PSKH1: variants seen among roughly 807,000 people sequenced by gnomAD.
PSKH1 encodes the protein serine/threonine-protein kinase H1.
PSKH1 carries 12 observed loss-of-function variants against 26.7 expected under a neutral mutation model. The observed-to-expected ratio is 0.45, with a 90% confidence interval of 0.29 to 0.73. The LOEUF is 0.73. Ranked by LOEUF, PSKH1 falls within the 30% of genes least tolerant of loss-of-function variation. The probability of loss-of-function intolerance (pLI) is 0.11; values close to 1 mark genes in which losing one functional copy is unlikely to be tolerated. For synonymous variants in PSKH1, 213 were observed against 234.3 expected (o/e 0.91, Z 0.83); for missense variants, 431 against 595.2 (o/e 0.72, Z 2.87).
intron 2 of PSKH1, among the ~76,000 whole-genome samples, chr16:67,921,490 G>T (rs536044055): frequency 2.0e-5 from 3 of 151,978 alleles, no homozygotes; most frequent in Non-Finnish European, 4.4e-5. Flanking sequence ...CAGGAGAATC[G>T]GTTGAACCTG....
chr16:67,898,127 GGCGTAAGCCACCGC>G (rs1403457561), intron 1 of PSKH1, among the ~76,000 whole-genome samples: 1 of 151,950 alleles, frequency 6.6e-6, no homozygotes, highest in Non-Finnish European at 1.5e-5. Context: ...TGGGATTACA[GGCGTAAGCCACCGC>G]GCCCAGCCAC....
chr16:67,898,324 G>T (rs1032815437), intron 1 of PSKH1, among the ~76,000 whole-genome samples: 1 of 152,100 alleles, frequency 6.6e-6, no homozygotes, highest in South Asian at 2.1e-4. Context: ...AGAACCGCTT[G>T]AACCTGGGAG....
rs184070626 is a variant in PSKH1, at chr16:67,929,240, T to C, written c.*1598T>C. On this transcript the variant is annotated 3_prime_UTR_variant, in exon 3 of 3. Coordinates refer to ENST00000291041, the MANE Select transcript of PSKH1 (RefSeq NM_006742.3). ...CAGGAGGGTTTGGTTCCCACTCAGC[T>C]TCTGCCGGTCGGCAGCCTGGGCCAG... 6.6e-6 allele frequency: 1 copy of C among 152,662 alleles called. No homozygotes were observed. The highest frequency in any genetic ancestry group is 2.4e-5 in the African/African-American group (1 of 41,586). 9.5% of individuals were successfully genotyped at this position (152,662 alleles called of 1,614,324 possible). A position where few individuals can be genotyped will look rare whatever the true frequency, so the allele number is the denominator to read the frequency against.
chr16:67,919,203 G>A (rs1417805401), intron 2 of PSKH1, among the ~76,000 whole-genome samples: 1 of 152,144 alleles, frequency 6.6e-6, no homozygotes, highest in African/African-American at 2.4e-5. Flanking sequence ...CGTGTTTCCT[G>A]GCTTATGCTT....
chr16:67,899,073 GA>G (rs2056215783), intron 1 of PSKH1, among the ~76,000 whole-genome samples: 1 of 152,156 alleles, frequency 6.6e-6, no homozygotes, highest in South Asian at 2.1e-4. Context: ...ATTGTTTCAG[GA>G]TTCATCCTTG....
At chr16:67,924,709 A>C (rs1405161218) in intron 2 of PSKH1, among the ~76,000 whole-genome samples, 2 of 152,222 alleles carry the variant, frequency 1.3e-5, no homozygotes, top group Non-Finnish European at 2.9e-5. Context: ...TGTTCCAGCA[A>C]CAGGCCAGAC....
chr16:67,904,333 C>G (rs1349932092), intron 1 of PSKH1, among the ~76,000 whole-genome samples: 1 of 151,974 alleles, frequency 6.6e-6, no homozygotes, highest in Non-Finnish European at 1.5e-5. Context: ...TCCTGAGTAG[C>G]TGGGATTACA....
At chr16:67,914,421 G>T (rs1181931662) in intron 2 of PSKH1, among the ~76,000 whole-genome samples, 2 of 151,276 alleles carry the variant, frequency 1.3e-5, no homozygotes, top group African/African-American at 4.9e-5. Flanking sequence ...CCAAAGTGGT[G>T]GGATTACAGG....
chr16:67,917,640 C>G (rs568587574), intron 2 of PSKH1, among the ~76,000 whole-genome samples: 182 of 152,324 alleles, frequency 1.2e-3, no homozygotes, highest in Non-Finnish European at 2.1e-3. Flanking sequence ...GGCAGACAGG[C>G]TGTGCAGCCA....
At position 67,893,261 on chromosome 16, in the gene PSKH1, C is replaced by T; in HGVS notation, c.-181C>T. On this transcript the variant is annotated 5_prime_UTR_variant, in exon 1 of 3. The change creates a new upstream start codon in the 5' untranslated region. Coordinates refer to ENST00000291041, the MANE Select transcript of PSKH1 (RefSeq NM_006742.3). Reference sequence around the variant, plus strand: ...GCTGCGCGCTGTGATGACGCCACGACGCTAACGCCCGAGAATGGCGGCGGC... The same window carrying T: ...GCTGCGCGCTGTGATGACGCCACGATGCTAACGCCCGAGAATGGCGGCGGC... 2 of 162,342 alleles carry T rather than the reference C, an allele frequency of 1.2e-5. No homozygotes were observed. The highest frequency in any genetic ancestry group is 6.5e-5 in the Admixed American group (1 of 15,452). The allele number at this position is 162,342 out of a possible 1,614,324, so 10.1% of individuals were successfully genotyped here. A position where few individuals can be genotyped will look rare whatever the true frequency, so the allele number is the denominator to read the frequency against.
rs757780078 is a variant in PSKH1 at position 67,927,495 on chromosome 16, T to C, written c.1128T>C (p.Leu376=). The C allele has an allele frequency of 6.2e-7, 1 of 1,614,184 alleles. No homozygotes were observed. The highest frequency in any genetic ancestry group is 2.2e-5 in the East Asian group (1 of 44,884). ...NLHRSISQNL[L]KRASSRCQST... ...ACCGCTCCATATCCCAGAACCTCCTTAAACGTGCCTCCTCGCGCTGCCAGA... is the reference window on the plus strand; with the variant it reads ...ACCGCTCCATATCCCAGAACCTCCTCAAACGTGCCTCCTCGCGCTGCCAGA... The change falls in exon 3 of 3, where the codon CTT becomes CTC. Residue 376 remains leucine, a synonymous_variant. Coordinates refer to ENST00000291041, the MANE Select transcript of PSKH1 (RefSeq NM_006742.3). This position sits in a 1 kb window ranked among gnomAD's most constrained non-coding sequence, Gnocchi z 5.5.
intron 2 of PSKH1, among the ~76,000 whole-genome samples, chr16:67,917,261 A>G (rs1026656025): frequency 1.3e-5 from 2 of 152,230 alleles, no homozygotes; most frequent in African/African-American, 4.8e-5. Flanking sequence ...AGGGTGGCAC[A>G]TCTGGGATTT....
intron 1 of PSKH1, among the ~76,000 whole-genome samples, chr16:67,897,997 G>A (rs2058131155): frequency 1.3e-5 from 2 of 152,082 alleles, no homozygotes; most frequent in Non-Finnish European, 2.9e-5. Flanking sequence ...ACAGGTGCAC[G>A]CTACCACGCC....
chr16:67,900,084 C>T (rs1201012744), intron 1 of PSKH1, among the ~76,000 whole-genome samples: 1 of 152,092 alleles, frequency 6.6e-6, no homozygotes, highest in South Asian at 2.1e-4. Context: ...GCCTCAGCTT[C>T]TGAGTAGCTG....
In PSKH1 at chr16:67,909,751, C is replaced by CG. The variant is rs745526967; in HGVS notation, c.957+50dup. Reference sequence around the variant, plus strand: ...GTCCTGGATGTTGGGGAGGCACCTGCGGGGGCAGGTATATCCTGCAGCTCT... The same window carrying CG: ...GTCCTGGATGTTGGGGAGGCACCTGCGGGGGGCAGGTATATCCTGCAGCTCT... On this transcript the variant is annotated intron_variant, in intron 2 of 2. Coordinates refer to ENST00000291041, the MANE Select transcript of PSKH1 (RefSeq NM_006742.3). This position sits in a 1 kb window ranked among gnomAD's most constrained non-coding sequence, Gnocchi z 7.8. 3.2e-6 allele frequency: 5 copies of CG among 1,549,804 alleles called. No homozygotes were observed. The highest frequency in any genetic ancestry group is 4.4e-6 in the Non-Finnish European group (5 of 1,138,552).
intron 1 of PSKH1, among the ~76,000 whole-genome samples, chr16:67,896,132 T>C (rs2151309521): frequency 1.3e-5 from 2 of 151,804 alleles, no homozygotes; most frequent in East Asian, 3.9e-4. Flanking sequence ...TTTTTTGAGA[T>C]GATGTCTCGC....
rs1396011201 is a variant in PSKH1, at chr16:67,929,111, C to T, written c.*1469C>T. On this transcript the variant is annotated 3_prime_UTR_variant, in exon 3 of 3. Coordinates refer to ENST00000291041, the MANE Select transcript of PSKH1 (RefSeq NM_006742.3). ...TTGTGGTATCTCCCCCTACCACAAA[C>T]CAGGCTGGAACCCAAGCCCCTTCCT... 3 of 152,724 alleles carry T rather than the reference C, an allele frequency of 2.0e-5. No individual in the cohort carries two copies. Among genetic ancestry groups the T allele is most frequent in the South Asian group, 2.1e-4 (1 of 4,834 alleles). The allele number at this position is 152,724 out of a possible 1,614,324, so 9.5% of individuals were successfully genotyped here. A position where few individuals can be genotyped will look rare whatever the true frequency, so the allele number is the denominator to read the frequency against.
intron 1 of PSKH1, among the ~76,000 whole-genome samples, chr16:67,904,881 C>T (rs2058152002): frequency 6.9e-6 from 1 of 144,526 alleles, no homozygotes; most frequent in South Asian, 2.1e-4. Flanking sequence ...GGCTAGAGTG[C>T]AGTGGCGTGA....
intron 2 of PSKH1, among the ~76,000 whole-genome samples, chr16:67,913,929 C>G (rs1245812576): frequency 1.3e-5 from 2 of 151,962 alleles, no homozygotes; most frequent in Non-Finnish European, 2.9e-5. Context: ...AAGAGGGAAC[C>G]TGGAATTTGG....
Sources: allele counts gnomAD v4.1 joint callset (sites outside exome capture counted in the v4.1 genomes callset), GRCh38; gene constraint gnomAD v4.1.1; non-coding constraint Gnocchi (gnomAD v3.1); transcripts MANE v1.5; gene names NCBI Gene and HGNC (gene_info 2026-07-23, HGNC 2026-07-21).